The following PRKCB variants were observed in gnomAD, a reference collection of about 807,000 sequenced individuals.
The protein encoded by PRKCB is protein kinase C beta type.
PRKCB carries 13 observed loss-of-function variants against 81.5 expected under a neutral mutation model. That is an observed-to-expected ratio of 0.16 (90% CI 0.10 to 0.25). PRKCB has a LOEUF of 0.25. Among genes scored for constraint, PRKCB ranks in the 10% least tolerant of loss-of-function variants. The probability of loss-of-function intolerance (pLI) is 1.00; values close to 1 mark genes in which losing one functional copy is unlikely to be tolerated. For missense variants in PRKCB, 509 were observed against 875.7 expected (o/e 0.58, Z 5.29); for synonymous variants, 335 against 321.4 (o/e 1.04, Z -0.45).
chr16:24,151,942 G>A, intron 9 of PRKCB: 9 of 454,050 alleles, frequency 2.0e-5, no homozygotes, highest in South Asian at 1.2e-4. Context: ...TCTTCCATGT[G>A]GAAGGCTAAG....
At chr16:24,195,611 T>A (rs1967866847) in intron 16 of PRKCB, among the ~76,000 whole-genome samples, 3 of 152,236 alleles carry the variant, frequency 2.0e-5, no homozygotes, top group African/African-American at 7.2e-5. Flanking sequence ...CAAGGAGCTG[T>A]TCACAGAGCA....
intron 3 of PRKCB, among the ~76,000 whole-genome samples, chr16:24,026,664 G>A (rs191370504): frequency 2.4e-4 from 36 of 152,314 alleles, no homozygotes; most frequent in African/African-American, 7.7e-4. Context: ...AGAGAAACCA[G>A]AAGGGACCAC....
intron 3 of PRKCB, among the ~76,000 whole-genome samples, chr16:24,019,344 T>C (rs72779939): frequency 0.2 from 30,309 of 151,898 alleles, 3,053 homozygotes; most frequent in East Asian, 0.31. Flanking sequence ...ACCTTGTCTC[T>C]GAAAATAATT....
intron 2 of PRKCB, among the ~76,000 whole-genome samples, chr16:23,932,724 G>A (rs1438980593): frequency 6.6e-6 from 1 of 152,260 alleles, no homozygotes; most frequent in Non-Finnish European, 1.5e-5. Flanking sequence ...GGGGGAAGCA[G>A]TTGCCTTGGT....
At chr16:23,981,990 T>A (rs1427000383) in intron 2 of PRKCB, among the ~76,000 whole-genome samples, 2 of 121,368 alleles carry the variant, frequency 1.6e-5, no homozygotes, top group Admixed American at 8.3e-5. Flanking sequence ...CCCTTTCCCT[T>A]CCTTTTCCCT....
chr16:24,007,972 G>T (rs2141835277), intron 3 of PRKCB, among the ~76,000 whole-genome samples: 2 of 149,870 alleles, frequency 1.3e-5, no homozygotes, highest in Middle Eastern at 7.0e-3. Flanking sequence ...ACCTCCAGTG[G>T]TCTAGGATTC....
chr16:23,906,124 T>C (rs1389484124), intron 2 of PRKCB, among the ~76,000 whole-genome samples: 1 of 152,238 alleles, frequency 6.6e-6, no homozygotes, highest in South Asian at 2.1e-4. Context: ...TGGATTGATG[T>C]TGCTGAATTG....
At chr16:23,880,222 T>C (rs1387279122) in intron 2 of PRKCB, among the ~76,000 whole-genome samples, 2 of 152,084 alleles carry the variant, frequency 1.3e-5, no homozygotes, top group African/African-American at 4.8e-5. Flanking sequence ...CTCACACAGA[T>C]GACAGCTAAA....
chr16:24,063,999 C>T (rs768686969), intron 5 of PRKCB, among the ~76,000 whole-genome samples: 4 of 152,044 alleles, frequency 2.6e-5, no homozygotes, highest in Non-Finnish European at 5.9e-5. Flanking sequence ...TGCAGAGCAG[C>T]GTGTATAGTG....
intron 2 of PRKCB, among the ~76,000 whole-genome samples, chr16:23,880,814 C>G (rs966159195): frequency 2.0e-5 from 3 of 152,098 alleles, no homozygotes; most frequent in Non-Finnish European, 4.4e-5. Flanking sequence ...TAATACCTTG[C>G]TATCTACCCA....
rs746115990 is a variant in PRKCB, at chr16:24,092,810, T to C, written c.549T>C (p.Leu183=). 6.2e-7 allele frequency: 1 copy of C among 1,614,080 alleles called. No individual in the cohort carries two copies. The highest frequency in any genetic ancestry group is 1.1e-5 in the South Asian group (1 of 91,058). ...TTTCAGTAAGAGATGCTAAAAACCT[T>C]GTACCTATGGACCCCAATGGCCTGT... ...LIVLVRDAKN[L]VPMDPNGLSD... The change falls in exon 6 of 17, where the codon CTT becomes CTC. Residue 183 remains leucine (L), a synonymous_variant. Coordinates refer to ENST00000643927, the MANE Select transcript of PRKCB (RefSeq NM_002738.7).
intron 2 of PRKCB, among the ~76,000 whole-genome samples, chr16:23,973,650 GA>G (rs1567330899): frequency 1.3e-5 from 2 of 152,028 alleles, no homozygotes; most frequent in Non-Finnish European, 2.9e-5. Flanking sequence ...CGTCAGGACA[GA>G]AGTGATATTT....
chr16:24,055,254 C>T (rs1965890415), intron 5 of PRKCB, among the ~76,000 whole-genome samples: 1 of 152,232 alleles, frequency 6.6e-6, no homozygotes, highest in Non-Finnish European at 1.5e-5. Context: ...CTCTGAAACC[C>T]CTTCAGACAC....
chr16:24,149,079 A>G (rs1289730263), intron 9 of PRKCB, among the ~76,000 whole-genome samples: 1 of 152,188 alleles, frequency 6.6e-6, no homozygotes, highest in East Asian at 1.9e-4. Context: ...CTGCCTGGTC[A>G]TCAAGCTTAT....
intron 2 of PRKCB, among the ~76,000 whole-genome samples, chr16:23,898,527 T>C (rs1220797389): frequency 6.6e-6 from 1 of 152,172 alleles, no homozygotes; most frequent in African/African-American, 2.4e-5. Flanking sequence ...ATTACAGTTA[T>C]GATAAGTATT....
intron 8 of PRKCB, among the ~76,000 whole-genome samples, chr16:24,115,747 A>G (rs547557323): frequency 1.1e-4 from 17 of 152,092 alleles, no homozygotes; most frequent in Non-Finnish European, 2.5e-4. Context: ...TTTTTTTGAG[A>G]CAGAGTCTTT....
intron 2 of PRKCB, among the ~76,000 whole-genome samples, chr16:23,921,540 G>A (rs560797288): frequency 2.2e-4 from 34 of 152,270 alleles, no homozygotes; most frequent in Admixed American, 3.3e-4. Context: ...GATGGCTCAC[G>A]TCTGTAATCC....
chr16:23,903,555 A>G (rs1286742249), intron 2 of PRKCB, among the ~76,000 whole-genome samples: 1 of 152,174 alleles, frequency 6.6e-6, no homozygotes, highest in African/African-American at 2.4e-5. Flanking sequence ...TCTACCCTAG[A>G]TCTTTCAGAT....
At chr16:24,019,497 C>T (rs1020602583) in intron 3 of PRKCB, among the ~76,000 whole-genome samples, 5 of 152,180 alleles carry the variant, frequency 3.3e-5, no homozygotes, top group African/African-American at 1.2e-4. Context: ...GGTGCAGTGG[C>T]TCACGCCTGT....
Sources: allele counts gnomAD v4.1 joint callset (sites outside exome capture counted in the v4.1 genomes callset), GRCh38; gene constraint gnomAD v4.1.1; transcripts MANE v1.5; gene names NCBI Gene and HGNC (gene_info 2026-07-23, HGNC 2026-07-21).